RAB7A: variants seen among roughly 807,000 people sequenced by gnomAD.
The protein encoded by RAB7A is ras-related protein Rab-7a.
Under a neutral mutation model 24.5 loss-of-function variants are expected in RAB7A, and 2 were observed. That is an observed-to-expected ratio of 0.08 (90% CI 0.03 to 0.26). The LOEUF is 0.26. RAB7A is among the 10% of genes least tolerant of loss of function. The pLI, the probability that RAB7A is intolerant of heterozygous loss-of-function variation, is 1.00. For synonymous variants in RAB7A, 100 were observed against 95.9 expected, an observed-to-expected ratio of 1.04 and a Z score of -0.25; for missense variants, 118 against 255.7, an observed-to-expected ratio of 0.46 and a Z score of 3.67.
At chr3:128,743,765 C>A (rs182798654) in intron 1 of RAB7A, among the ~76,000 whole-genome samples, 10 of 150,924 alleles carry the variant, frequency 6.6e-5, no homozygotes, top group Non-Finnish European at 1.0e-4. Flanking sequence ...TCAGCCTATT[C>A]AACATGACAA....
chr3:128,762,569 T>A (rs1559785898), intron 1 of RAB7A, among the ~76,000 whole-genome samples: 1 of 152,112 alleles, frequency 6.6e-6, no homozygotes, highest in Non-Finnish European at 1.5e-5. Flanking sequence ...TTGAGTGCCT[T>A]CTGGGAGTGG....
chr3:128,810,696 C>T (rs1445475357), intron 5 of RAB7A, among the ~76,000 whole-genome samples: 1 of 152,230 alleles, frequency 6.6e-6, no homozygotes, highest in Non-Finnish European at 1.5e-5. Context: ...TTCATTCCTT[C>T]CTTACTCCAA....
At chr3:128,742,446 A>G (rs543895867) in intron 1 of RAB7A, among the ~76,000 whole-genome samples, 328 of 152,244 alleles carry the variant, frequency 2.2e-3, no homozygotes, top group Admixed American at 4.7e-3. Context: ...GATCCCAGCC[A>G]CATCCTGCTG....
intron 1 of RAB7A, among the ~76,000 whole-genome samples, chr3:128,744,797 C>T (rs1222368826): frequency 6.6e-6 from 1 of 152,060 alleles, no homozygotes; most frequent in Non-Finnish European, 1.5e-5. Flanking sequence ...GCATTTGGCT[C>T]AGAGCCACTT....
Position 128,795,372 on chromosome 3 carries a change from C to T in RAB7A, c.5C>T (p.Thr2Ile), listed in dbSNP as rs1933544228. 2 of 1,613,080 alleles carry T rather than the reference C, an allele frequency of 1.2e-6. No individual in the cohort carries two copies. The highest frequency in any genetic ancestry group is 1.7e-6 in the Non-Finnish European group (2 of 1,179,056). Residue 2 changes from threonine (T) to isoleucine (I), a missense_variant, in exon 2 of 6, where the codon ACC (threonine) becomes ATC (isoleucine). By Grantham distance (89) the Thr-to-Ile change is moderately conservative. This residue lies in a region of RAB7A where 52 missense variants were observed against 173.5 expected (regional missense o/e 0.30). Transcript: ENST00000265062. M[T>I]SRKKVLLKVI... Reference sequence around the variant, plus strand: ...TTTCCCCCTTTAGTTTGAAGGATGACCTCTAGGAAGAAAGTGTTGCTGAAG... The same window carrying T: ...TTTCCCCCTTTAGTTTGAAGGATGATCTCTAGGAAGAAAGTGTTGCTGAAG...
At chr3:128,784,672 T>G (rs1019912414) in intron 1 of RAB7A, among the ~76,000 whole-genome samples, 16 of 152,208 alleles carry the variant, frequency 1.1e-4, no homozygotes, top group African/African-American at 3.6e-4. Flanking sequence ...TGTGCGTTCT[T>G]TAAGGAAAAC....
At chr3:128,800,413 G>A (rs1933672778) in intron 3 of RAB7A, among the ~76,000 whole-genome samples, 3 of 152,234 alleles carry the variant, frequency 2.0e-5, no homozygotes, top group Middle Eastern at 3.4e-3. Context: ...ATCAGAGTTC[G>A]GCCCCTGCTG....
chr3:128,727,050 C>T (rs547884219), intron 1 of RAB7A, among the ~76,000 whole-genome samples: 1 of 152,202 alleles, frequency 6.6e-6, no homozygotes, highest in African/African-American at 2.4e-5. Context: ...CCATTCCGAC[C>T]GTGTTTGGGG....
intron 1 of RAB7A, among the ~76,000 whole-genome samples, chr3:128,790,670 T>C (rs1412151639): frequency 6.6e-6 from 1 of 152,226 alleles, no homozygotes; most frequent in Non-Finnish European, 1.5e-5. Flanking sequence ...TATAATGCCA[T>C]ATTTGTCAAA....
At position 128,789,820 on chromosome 3, in the gene RAB7A, C is replaced by T. The variant is rs188963082; in HGVS notation, c.-8-5540C>T. Among the ~76,000 whole-genome samples the T allele has an allele frequency of 4.0e-3, 527 of 132,262 alleles. 2 individuals are homozygous for T. The highest frequency in any genetic ancestry group is 0.014 in the African/African-American group (499 of 35,898). The allele number at this position is 132,262 out of a possible 152,430, so 86.8% of individuals were successfully genotyped here. On this transcript the variant is annotated intron_variant, in intron 1 of 5. Coordinates refer to ENST00000265062, the MANE Select transcript of RAB7A (RefSeq NM_004637.6). ...TTTTTTTTTTTTTGAGATGGAGTTT[C>T]ACTCTTGTTGCCCATGCTAGAGTGC...
At chr3:128,775,359 C>T (rs1370961974) in intron 1 of RAB7A, among the ~76,000 whole-genome samples, 1 of 152,204 alleles carries the variant, frequency 6.6e-6, no homozygotes, top group Non-Finnish European at 1.5e-5. Flanking sequence ...AGTCTCCACC[C>T]TTCCTCCACT....
At chr3:128,773,771 A>G (rs1014261201) in intron 1 of RAB7A, among the ~76,000 whole-genome samples, 3 of 152,226 alleles carry the variant, frequency 2.0e-5, no homozygotes, top group Non-Finnish European at 2.9e-5. Context: ...CTGTTGATCT[A>G]TGACCTTACC....
intron 1 of RAB7A, among the ~76,000 whole-genome samples, chr3:128,779,318 G>T (rs1192328500): frequency 6.6e-6 from 1 of 151,842 alleles, no homozygotes; most frequent in Admixed American, 6.6e-5. Flanking sequence ...GGAGGCTGAA[G>T]AGTTGCTTGA....
At chr3:128,773,567 G>A (rs532376059) in intron 1 of RAB7A, among the ~76,000 whole-genome samples, 24 of 152,332 alleles carry the variant, frequency 1.6e-4, no homozygotes, top group South Asian at 2.1e-4. Flanking sequence ...CCCTCTGCCC[G>A]GCCACCACCC....
chr3:128,789,366 C>T (rs925737526), intron 1 of RAB7A, among the ~76,000 whole-genome samples: 27 of 139,396 alleles, frequency 1.9e-4, no homozygotes, highest in Non-Finnish European at 3.0e-4. Flanking sequence ...GACTTCATTT[C>T]GCTCTGTTGC....
chr3:128,801,399 TG>T (rs931779820), intron 3 of RAB7A, among the ~76,000 whole-genome samples: 6 of 152,282 alleles, frequency 3.9e-5, no homozygotes, highest in African/African-American at 7.2e-5. Context: ...AATAAGAGGA[TG>T]GGGGGAACCT....
intron 1 of RAB7A, among the ~76,000 whole-genome samples, chr3:128,788,335 T>C (rs778995849): frequency 1.1e-4 from 17 of 152,204 alleles, no homozygotes; most frequent in Non-Finnish European, 2.2e-4. Flanking sequence ...CTAAAATTTG[T>C]GAGAACATAT....
intron 1 of RAB7A, among the ~76,000 whole-genome samples, chr3:128,741,753 T>C (rs2070556406): frequency 6.6e-6 from 1 of 152,218 alleles, no homozygotes; most frequent in African/African-American, 2.4e-5. Context: ...CTTATTTGCG[T>C]CTGTTTTGTT....
At chr3:128,774,160 A>G (rs1933024165) in intron 1 of RAB7A, among the ~76,000 whole-genome samples, 1 of 148,666 alleles carries the variant, frequency 6.7e-6, no homozygotes, top group Non-Finnish European at 1.5e-5. Flanking sequence ...GTCTATCTAT[A>G]TATTCCCCTA....
Sources: allele counts gnomAD v4.1 joint callset (sites outside exome capture counted in the v4.1 genomes callset), GRCh38; gene constraint gnomAD v4.1.1; regional missense constraint gnomAD v4.1.1; transcripts MANE v1.5; gene names NCBI Gene and HGNC (gene_info 2026-07-23, HGNC 2026-07-21).